Variants in XPO7 observed in about 807,000 individuals in gnomAD.
The protein encoded by XPO7 is exportin-7.
XPO7 carries 21 observed loss-of-function variants against 144.3 expected under a neutral mutation model. That is an observed-to-expected ratio of 0.15 (90% CI 0.10 to 0.21). The LOEUF is 0.21. Among genes scored for constraint, XPO7 ranks in the 10% least tolerant of loss-of-function variants. The pLI, the probability that XPO7 is intolerant of heterozygous loss-of-function variation, is 1.00. For missense variants in XPO7, 808 were observed against 1,325.8 expected, an observed-to-expected ratio of 0.61 and a Z score of 6.06; for synonymous variants, 580 against 499.6, an observed-to-expected ratio of 1.16 and a Z score of -2.15.
At chr8:21,983,995 A>G (rs1056786677) in intron 11 of XPO7, among the ~76,000 whole-genome samples, 3 of 152,226 alleles carry the variant, frequency 2.0e-5, no homozygotes, top group African/African-American at 7.2e-5. Context: ...TGCAATTCCA[A>G]AGTCAAAGAT....
Position 21,969,534 on chromosome 8 carries a change from C to T in XPO7, c.217C>T (p.Arg73Cys). ...AATCLTKLVSRTNNPLPLEQR... is the reference protein window; with the variant it reads ...AATCLTKLVSCTNNPLPLEQR... ...TACATGCCTTACCAAGCTTGTATCA[C>T]GCACAAACAACCCCCTACCATTGGA... Residue 73 changes from arginine to cysteine, a missense_variant, in exon 3 of 28, where the codon CGC (arginine) becomes TGC (cysteine). By Grantham distance (180) the Arg-to-Cys change is radical (BLOSUM62 -3). Transcript: ENST00000252512. 1.2e-6 allele frequency: 2 copies of T among 1,613,802 alleles called. No individual in the cohort carries two copies. The highest frequency in any genetic ancestry group is 1.7e-6 in the Non-Finnish European group (2 of 1,179,796).
At position 21,945,033 on chromosome 8, in the gene XPO7, G is replaced by A. The variant is rs532302307; in HGVS notation, c.19-21824G>A. ...TTCTACACAGACACAGTAACAATCT[G>A]ATCTCTCTTTATTTTCCCCACATTT... On this transcript the variant is annotated intron_variant, in intron 1 of 27. Coordinates refer to ENST00000252512, the MANE Select transcript of XPO7 (RefSeq NM_015024.5). Among the ~76,000 whole-genome samples the A allele has an allele frequency of 5.9e-5, 9 of 152,288 alleles. No individual in the cohort carries two copies. In the South Asian group the frequency reaches 1.9e-3, roughly 32 times the overall value.
chr8:22,000,523 G>A (rs1813105667), intron 24 of XPO7, among the ~76,000 whole-genome samples: 1 of 146,300 alleles, frequency 6.8e-6, no homozygotes, highest in African/African-American at 2.6e-5. Flanking sequence ...CGCGATCTCA[G>A]CTCACTGCAA....
intron 1 of XPO7, among the ~76,000 whole-genome samples, chr8:21,936,513 G>A (rs1453566872): frequency 6.6e-6 from 1 of 152,128 alleles, no homozygotes; most frequent in South Asian, 2.1e-4. Flanking sequence ...TCCCAATTTT[G>A]ATGACTCTTC....
chr8:21,974,327 C>G (rs1228949501), intron 5 of XPO7, among the ~76,000 whole-genome samples: 1 of 152,086 alleles, frequency 6.6e-6, no homozygotes, highest in Admixed American at 6.5e-5. Flanking sequence ...CCACGCCTGG[C>G]CCATTAAGCC....
At chr8:21,944,866 C>T (rs1446335845) in intron 1 of XPO7, among the ~76,000 whole-genome samples, 1 of 152,180 alleles carries the variant, frequency 6.6e-6, no homozygotes, top group African/African-American at 2.4e-5. Flanking sequence ...TTGCACCGCC[C>T]TTAATCCATT....
chr8:21,981,684 T>C, intron 9 of XPO7, 47 bp from the exon 10 acceptor site: 1 of 1,608,630 alleles, frequency 6.2e-7, no homozygotes, highest in Non-Finnish European at 8.5e-7. Context: ...TCTTGAAGTA[T>C]GTTAAGGCAC....
chr8:21,936,139 C>T (rs889006422), intron 1 of XPO7, among the ~76,000 whole-genome samples: 1 of 152,134 alleles, frequency 6.6e-6, no homozygotes, highest in African/African-American at 2.4e-5. Flanking sequence ...GCTAACCCTA[C>T]CTCTGCTAAA....
At chr8:21,932,939 C>T (rs1563310647) in intron 1 of XPO7, among the ~76,000 whole-genome samples, 1 of 151,940 alleles carries the variant, frequency 6.6e-6, no homozygotes, top group Non-Finnish European at 1.5e-5. Context: ...TTAATATTCA[C>T]ATTGACCTTT....
intron 5 of XPO7, 54 bp downstream of exon 5, chr8:21,971,995 T>G (rs1246562171): frequency 3.7e-5 from 57 of 1,540,386 alleles, no homozygotes; most frequent in Non-Finnish European, 4.9e-5. Flanking sequence ...TTCTTAGTAT[T>G]GGTGTTTTCT....
At chr8:21,921,957 A>G (rs1467016804) in intron 1 of XPO7, among the ~76,000 whole-genome samples, 2 of 152,212 alleles carry the variant, frequency 1.3e-5, no homozygotes, top group Non-Finnish European at 2.9e-5. Context: ...CCTTCTTATG[A>G]AAAAGATACA....
chr8:21,925,873 A>G (rs1048246012), intron 1 of XPO7, among the ~76,000 whole-genome samples: 6 of 152,156 alleles, frequency 3.9e-5, no homozygotes, highest in African/African-American at 1.4e-4. Context: ...ATCTATCTTA[A>G]ATATATCTTC....
In XPO7 at chr8:21,993,234, T is replaced by C. The variant is rs191398626; in HGVS notation, c.2149-1129T>C. Among the ~76,000 whole-genome samples the C allele has an allele frequency of 2.4e-4, 36 of 152,312 alleles. No individual in the cohort carries two copies. In the East Asian group the frequency reaches 6.6e-3, roughly 28 times the overall value. On this transcript the variant is annotated intron_variant, in intron 19 of 27. Transcript: ENST00000252512. ...TTCCCATTATATGGTATTAGTTTCATGTAAAGCAAGTAAAATTAACCAAAA... is the reference window on the plus strand; with the variant it reads ...TTCCCATTATATGGTATTAGTTTCACGTAAAGCAAGTAAAATTAACCAAAA...
At chr8:21,923,735 C>G (rs969017302) in intron 1 of XPO7, among the ~76,000 whole-genome samples, 4 of 152,150 alleles carry the variant, frequency 2.6e-5, no homozygotes, top group African/African-American at 9.7e-5. Context: ...TTCCATTTGA[C>G]CCAGAAATTG....
chr8:21,928,269 G>C (rs1205674164), intron 1 of XPO7, among the ~76,000 whole-genome samples: 1 of 152,160 alleles, frequency 6.6e-6, no homozygotes, highest in African/African-American at 2.4e-5. Flanking sequence ...GGAGTGCTTG[G>C]TTACTTTTCA....
At chr8:21,989,944 G>A (rs1812712962) in intron 16 of XPO7, among the ~76,000 whole-genome samples, 1 of 140,446 alleles carries the variant, frequency 7.1e-6, no homozygotes, top group African/African-American at 2.6e-5. Context: ...CCGCCTCCCA[G>A]GTTCATGCCA....
chr8:21,938,698 G>T (rs993501989), intron 1 of XPO7, among the ~76,000 whole-genome samples: 1 of 151,976 alleles, frequency 6.6e-6, no homozygotes, highest in Non-Finnish European at 1.5e-5. Context: ...TGCAGTACTA[G>T]ATATGAAGGT....
At chr8:21,987,300 C>CCTTAGTT in intron 14 of XPO7, 24 bp downstream of exon 14, 1 of 1,613,442 alleles carries the variant, frequency 6.2e-7, no homozygotes, top group South Asian at 1.1e-5. Context: ...AATTGGCTCC[C>CCTTAGTT]CTTAGTTCTC....
At chr8:21,999,355 C>CTT (rs761446502) in intron 23 of XPO7, 50 bp downstream of exon 23, 435 of 1,603,922 alleles carry the variant, frequency 2.7e-4, no homozygotes, top group Non-Finnish European at 3.5e-4. Context: ...CACATTCAGC[C>CTT]TTTTTCACCT....
Sources: gnomAD v4.1 joint callset for allele counts (sites outside exome capture counted in the v4.1 genomes callset) on GRCh38, gnomAD v4.1.1 for gene constraint, MANE v1.5 for transcripts, NCBI Gene and HGNC (gene_info 2026-07-23, HGNC 2026-07-21) for gene names.